The following TSPEAR variants were observed in gnomAD, a reference collection of about 807,000 sequenced individuals.
The protein encoded by TSPEAR is thrombospondin type laminin G domain and EAR repeats, also known as thrombospondin-type laminin G domain and EAR repeat-containing protein.
A neutral mutation model predicts 71.6 loss-of-function variants in TSPEAR; 69 were observed. The ratio of observed to expected loss-of-function variants is 0.96; its 90% confidence interval spans 0.79 to 1.18. The LOEUF is 1.18. Among genes scored for constraint, TSPEAR ranks in the 50% most tolerant of loss-of-function variants. TSPEAR has a pLI of 0.00. For synonymous variants in TSPEAR, 402 were observed against 387.2 expected, an observed-to-expected ratio of 1.04 and a Z score of -0.45; for missense variants, 971 against 894.9, an observed-to-expected ratio of 1.09 and a Z score of -1.09.
chr21:44,681,648 G>A (rs1986594677), intron 1 of TSPEAR: 2 of 762,524 alleles, frequency 2.6e-6, no homozygotes, highest in South Asian at 2.5e-5. Flanking sequence ...GACTTCCCTG[G>A]GGGGATAGGC....
In TSPEAR at chr21:44,688,909, G is replaced by A. The variant is rs140305001; in HGVS notation, c.82+22524C>T. Reference sequence around the variant, plus strand: ...CCTGGCCAGGACCCCTAAAGGCCCCGAGGGGCACCAGGCACAGTTCTCTCA... The same window carrying A: ...CCTGGCCAGGACCCCTAAAGGCCCCAAGGGGCACCAGGCACAGTTCTCTCA... On this transcript the variant is annotated intron_variant, in intron 1 of 11. Transcript: ENST00000323084. 4.6e-5 allele frequency among the ~76,000 whole-genome samples: 7 copies of A among 152,210 alleles called. No homozygotes were observed. In the East Asian group the frequency reaches 1.4e-3, roughly 30 times the overall value.
intron 1 of TSPEAR, among the ~76,000 whole-genome samples, chr21:44,619,445 C>T (rs1470105162): frequency 6.6e-6 from 1 of 152,210 alleles, no homozygotes; most frequent in Non-Finnish European, 1.5e-5. Flanking sequence ...AGGCATGTGC[C>T]ATGCAAAGCA....
intron 11 of TSPEAR, among the ~76,000 whole-genome samples, chr21:44,502,624 T>C (rs2052055163): frequency 6.6e-6 from 1 of 152,218 alleles, no homozygotes; most frequent in Non-Finnish European, 1.5e-5. Flanking sequence ...CCTGACAGAA[T>C]CCAAAGGCAG....
At chr21:44,679,585 G>C (rs1279149653) in intron 1 of TSPEAR, among the ~76,000 whole-genome samples, 1 of 152,168 alleles carries the variant, frequency 6.6e-6, no homozygotes, top group Non-Finnish European at 1.5e-5. Flanking sequence ...ACCCTGAATA[G>C]CCAAAGTTAT....
chr21:44,575,464 G>A (rs892147346), intron 1 of TSPEAR: 1 of 187,206 alleles, frequency 5.3e-6, no homozygotes, highest in Non-Finnish European at 1.1e-5. Context: ...AGGCCCCTGA[G>A]TGTTTTCCTG....
chr21:44,636,131 C>T (rs587671532), intron 1 of TSPEAR, among the ~76,000 whole-genome samples: 1 of 152,320 alleles, frequency 6.6e-6, no homozygotes, highest in South Asian at 2.1e-4. Context: ...CAGTTCATAT[C>T]TTCATTTGTG....
At chr21:44,668,424 G>A (rs1344825484) in intron 1 of TSPEAR, among the ~76,000 whole-genome samples, 1 of 152,198 alleles carries the variant, frequency 6.6e-6, no homozygotes, top group Non-Finnish European at 1.5e-5. Context: ...CACATCCCAT[G>A]TTCATGAATT....
chr21:44,541,693 C>G (rs1292847906), intron 2 of TSPEAR, among the ~76,000 whole-genome samples: 2 of 152,190 alleles, frequency 1.3e-5, no homozygotes, highest in Admixed American at 6.5e-5. Context: ...TGGAGGGATT[C>G]TAGCAAAAAC....
At position 44,499,164 on chromosome 21, in the gene TSPEAR, T is replaced by C. The variant is rs2145897895; in HGVS notation, c.*619A>G. On this transcript the variant is annotated 3_prime_UTR_variant, in exon 12 of 12. Transcript: ENST00000323084. ...CCCAGGCCATGCCCAGGCTTGTGAT[T>C]TCTGACCTCGCGCTAGTGCATTTAC... 2 of 152,284 alleles carry C rather than the reference T, an allele frequency of 1.3e-5. No homozygotes were observed. Among genetic ancestry groups the C allele is most frequent in the Middle Eastern group, 3.4e-3 (1 of 294 alleles). 9.4% of individuals were successfully genotyped at this position (152,284 alleles called of 1,614,324 possible).
chr21:44,537,825 G>T (rs1376819196), intron 2 of TSPEAR, among the ~76,000 whole-genome samples: 3 of 152,222 alleles, frequency 2.0e-5, no homozygotes, highest in African/African-American at 7.2e-5. Flanking sequence ...CACATAGCCT[G>T]ATAAGAAATG....
Position 44,504,891 on chromosome 21 carries a change from CAAGTGGGTGGATAT to C in TSPEAR, c.1755-24_1755-11del. The C allele has an allele frequency of 6.2e-7, 1 of 1,603,646 alleles. No individual in the cohort carries two copies. The highest frequency in any genetic ancestry group is 8.5e-7 in the Non-Finnish European group (1 of 1,170,932). On this transcript the variant is annotated splice_polypyrimidine_tract_variant and intron_variant, in intron 10 of 11. Coordinates refer to ENST00000323084, the MANE Select transcript of TSPEAR (RefSeq NM_144991.3). ...CTCCCAGTCCAGAGCACTGCAGGAA[CAAGTGGGTGGATAT>C]TAGGACACAACAGACATCGCCAGGG...
chr21:44,518,580 A>G (rs1555913815), intron 9 of TSPEAR: 2 of 461,504 alleles, frequency 4.3e-6, no homozygotes, highest in Non-Finnish European at 9.1e-6. Flanking sequence ...CTGTTAGGAG[A>G]CCTTGCCTAG....
At chr21:44,583,225 G>A (rs984060032) in intron 1 of TSPEAR, among the ~76,000 whole-genome samples, 5 of 152,346 alleles carry the variant, frequency 3.3e-5, no homozygotes, top group African/African-American at 1.2e-4. Flanking sequence ...CCCTGGCTGG[G>A]GGAGGGAGGT....
chr21:44,558,900 A>C, intron 2 of TSPEAR: 2 of 790,302 alleles, frequency 2.5e-6, no homozygotes, highest in Non-Finnish European at 4.0e-6. Context: ...TGTTGTAGGC[A>C]CTGTTGTGTT....
chr21:44,510,878 G>A (rs1472899215), intron 9 of TSPEAR: 1 of 152,364 alleles, frequency 6.6e-6, no homozygotes, highest in East Asian at 1.9e-4. Flanking sequence ...AACCCTCGGC[G>A]GGGGCGGGGC....
rs1355078962 is a variant in TSPEAR at position 44,706,373 on chromosome 21, ACGCACACACGCGCGTGCACCCATG to A, written c.82+5036_82+5059del. Among the ~76,000 whole-genome samples the A allele has an allele frequency of 2.7e-5, 4 of 150,278 alleles. No homozygotes were observed. In the South Asian group the frequency reaches 6.4e-4, roughly 24 times the overall value. On this transcript the variant is annotated intron_variant, in intron 1 of 11. Transcript: ENST00000323084. ...CACGCACCCACTTGCACGCCCATGC[ACGCACACACGCGCGTGCACCCATG>A]CGCACGCACCCATGCACACACACGC...
chr21:44,653,518 C>T (rs1034312394), intron 1 of TSPEAR, among the ~76,000 whole-genome samples: 3 of 152,188 alleles, frequency 2.0e-5, no homozygotes, highest in Non-Finnish European at 2.9e-5. Flanking sequence ...CACTTTAATT[C>T]CTTAAAAGCT....
At chr21:44,601,201 A>C (rs371136422) in intron 1 of TSPEAR, 76 of 1,600,574 alleles carry the variant, frequency 4.7e-5, no homozygotes, top group Non-Finnish European at 6.4e-5. Flanking sequence ...CTGTGAGCCC[A>C]GCCCCTGCCA....
chr21:44,610,139 A>G (rs1210323419), intron 1 of TSPEAR, among the ~76,000 whole-genome samples: 1 of 152,224 alleles, frequency 6.6e-6, no homozygotes, highest in Non-Finnish European at 1.5e-5. Flanking sequence ...TAGCCTGACT[A>G]TGCAATAGAA....
Sources: allele counts gnomAD v4.1 joint callset (sites outside exome capture counted in the v4.1 genomes callset), GRCh38; gene constraint gnomAD v4.1.1; transcripts MANE v1.5; gene names NCBI Gene and HGNC (gene_info 2026-07-23, HGNC 2026-07-21).